The following ZFTA variants were observed in gnomAD, a reference collection of about 807,000 sequenced individuals.
ZFTA encodes the protein zinc finger translocation associated.
In ZFTA, 35 loss-of-function variants were observed where a neutral mutation model predicts 41.8. That is an observed-to-expected ratio of 0.84 (90% confidence interval 0.64 to 1.11). ZFTA has a LOEUF of 1.11. Ranked by LOEUF, ZFTA falls within the 50% of genes most tolerant of loss-of-function variation. ZFTA has a pLI of 0.00. For synonymous variants in ZFTA, 514 were observed against 436.4 expected (o/e 1.18, Z -2.22); for missense variants, 964 against 989.8 (o/e 0.97, Z 0.35).
rs1424806163 is a variant in ZFTA at position 63,765,748 on chromosome 11, CCA to C, written c.637+57_637+58del. On this transcript the variant is annotated intron_variant, in intron 2 of 4. Transcript: ENST00000433688. The surrounding 1 kb of genome is among the most constrained non-coding windows in gnomAD (Gnocchi z 4.0). ...CCAGCTCCTTGGCAGAGCAGCTGGCCCACTGTGCCCCACTGGCCACCCAGGCC... is the reference window on the plus strand; with the variant it reads ...CCAGCTCCTTGGCAGAGCAGCTGGCCCTGTGCCCCACTGGCCACCCAGGCC... The C allele has an allele frequency of 2.8e-6, 4 of 1,429,890 alleles. No individual in the cohort carries two copies. The highest frequency in any genetic ancestry group is 1.8e-6 in the Non-Finnish European group (2 of 1,094,592). 88.6% of individuals were successfully genotyped at this position (1,429,890 alleles called of 1,614,324 possible).
rs1341199576 is a variant in ZFTA, at chr11:63,764,360, G to T, written c.1263C>A (p.Arg421=). 1 of 1,325,676 alleles carries T rather than the reference G, an allele frequency of 7.5e-7. No homozygotes were observed. Among genetic ancestry groups the T allele is most frequent in the Non-Finnish European group, 9.6e-7 (1 of 1,042,200 alleles). 82.1% of individuals were successfully genotyped at this position (1,325,676 alleles called of 1,614,324 possible). Residue 421 remains arginine, a synonymous_variant, in exon 4 of 5, where the codon CGC becomes CGA. Transcript: ENST00000433688. Reference sequence around the variant, plus strand: ...ACTCCATGAGGTACTCCAGCCGCCAGCGCTCCTGGGGGTGGCGGCGGTGGG... The same window carrying T: ...ACTCCATGAGGTACTCCAGCCGCCATCGCTCCTGGGGGTGGCGGCGGTGGG... ...GRAHRRHPQE[R]WRLEYLMELD...
Position 63,765,705 on chromosome 11 carries a change from G to C in ZFTA, c.637+102C>G. ...ACAGACCCCACCCAGAGGAGGAGCAGTGCCTTGCTCAAGAACACCAGCTCC... is the reference window on the plus strand; with the variant it reads ...ACAGACCCCACCCAGAGGAGGAGCACTGCCTTGCTCAAGAACACCAGCTCC... On this transcript the variant is annotated intron_variant, in intron 2 of 4. Coordinates refer to ENST00000433688, the MANE Select transcript of ZFTA (RefSeq NM_001144936.2). The surrounding 1 kb of genome is among the most constrained non-coding windows in gnomAD (Gnocchi z 4.0). The C allele has an allele frequency of 7.2e-7, 1 of 1,395,228 alleles. No individual in the cohort carries two copies. The highest frequency in any genetic ancestry group is 2.6e-5 in the East Asian group (1 of 38,568). The allele number at this position is 1,395,228 out of a possible 1,614,324, so 86.4% of individuals were successfully genotyped here.
chr11:63,765,701 A>G lies in ZFTA; in HGVS notation c.637+106T>C, dbSNP rs2014733251. 4 of 1,388,008 alleles carry G rather than the reference A, an allele frequency of 2.9e-6. No individual in the cohort carries two copies. Among genetic ancestry groups the G allele is most frequent in the Non-Finnish European group, 3.8e-6 (4 of 1,063,802 alleles). 86.0% of individuals were successfully genotyped at this position (1,388,008 alleles called of 1,614,324 possible). The stretch of plus-strand genomic sequence containing the variant: ...ATAAACAGACCCCACCCAGAGGAGG[A>G]GCAGTGCCTTGCTCAAGAACACCAG... On this transcript the variant is annotated intron_variant, in intron 2 of 4. Transcript: ENST00000433688. The surrounding 1 kb of genome is among the most constrained non-coding windows in gnomAD (Gnocchi z 4.0).
intron 1 of ZFTA, 150 bp from the exon 2 acceptor site, chr11:63,766,454 G>GCAAT: frequency 7.2e-6 from 8 of 1,113,626 alleles, no homozygotes; most frequent in Non-Finnish European, 9.6e-6. Flanking sequence ...AGGGATGGTA[G>GCAAT]AAGTGGGAGC....
Position 63,764,024 on chromosome 11 carries a change from GC to G in ZFTA, c.1585+13del. 1 of 1,315,248 alleles carries G rather than the reference GC, an allele frequency of 7.6e-7. No homozygotes were observed. 81.5% of individuals were successfully genotyped at this position (1,315,248 alleles called of 1,614,324 possible). A position where few individuals can be genotyped will look rare whatever the true frequency, so the allele number is the denominator to read the frequency against. On this transcript the variant is annotated intron_variant, in intron 4 of 4. Coordinates refer to ENST00000433688, the MANE Select transcript of ZFTA (RefSeq NM_001144936.2). ...CGGCTCTCCCTCTCCGCCTGCTCTG[GC>G]CCCACCGCTCACCCCACTCCTCCTC...
rs1476128019 is a variant in ZFTA at position 63,762,884 on chromosome 11, G to T, written c.*534C>A. 1 of 152,278 alleles carries T rather than the reference G, an allele frequency of 6.6e-6. No homozygotes were observed. Among genetic ancestry groups the T allele is most frequent in the East Asian group, 1.9e-4 (1 of 5,152 alleles). The allele number at this position is 152,278 out of a possible 1,614,324, so 9.4% of individuals were successfully genotyped here. On this transcript the variant is annotated 3_prime_UTR_variant, in exon 5 of 5. Coordinates refer to ENST00000433688, the MANE Select transcript of ZFTA (RefSeq NM_001144936.2). ...CGCTGGAAGCCCCAGTCCGCAGCCGGGGCCTCCGAGAGGCCGAGAATCCCA... is the reference window on the plus strand; with the variant it reads ...CGCTGGAAGCCCCAGTCCGCAGCCGTGGCCTCCGAGAGGCCGAGAATCCCA...
chr11:63,765,839 G>A lies in ZFTA; in HGVS notation c.605C>T (p.Ala202Val). The change falls in exon 2 of 5, where the codon GCC (alanine) becomes GTC (valine). Residue 202 changes from alanine (A) to valine (V), a missense_variant. Physicochemically the swap from Ala to Val is moderately conservative, Grantham distance 64. Around this residue, in one of 5 missense-constraint regions of ZFTA, gnomAD observed 141 missense variants for 216.7 expected, o/e 0.65. Transcript: ENST00000433688. The surrounding 1 kb of genome is among the most constrained non-coding windows in gnomAD (Gnocchi z 4.0). ...EEEEEEEEEG[A>V]GVPACPPKGP... ...CTTGGGCGGGCAAGCTGGGACACCGGCCCCCTCCTCCTCCTCCTCTTCTTC... is the reference window on the plus strand; with the variant it reads ...CTTGGGCGGGCAAGCTGGGACACCGACCCCCTCCTCCTCCTCCTCTTCTTC... 1.3e-6 allele frequency: 2 copies of A among 1,496,482 alleles called. No individual in the cohort carries two copies. The highest frequency in any genetic ancestry group is 2.5e-5 in the East Asian group (1 of 40,278). 92.7% of individuals were successfully genotyped at this position (1,496,482 alleles called of 1,614,324 possible). A position where few individuals can be genotyped will look rare whatever the true frequency, so the allele number is the denominator to read the frequency against.
At chr11:63,763,916 G>A (rs939045007) in intron 4 of ZFTA, 47 bp from the exon 5 acceptor site, 4 of 1,395,052 alleles carry the variant, frequency 2.9e-6, no homozygotes, top group African/African-American at 1.5e-5. Context: ...GGGGCAGCGG[G>A]CTGGGCCCCG....
rs1289371676 is a variant in ZFTA at position 63,760,192 on chromosome 11, A to G, written c.*3226T>C. The stretch of plus-strand genomic sequence containing the variant: ...TCACACCAGCCTGGGAGATTTTCCC[A>G]CCTGCAACGCAAAGCAGCCTGTAAA... On this transcript the variant is annotated 3_prime_UTR_variant, in exon 5 of 5. Coordinates refer to ENST00000433688, the MANE Select transcript of ZFTA (RefSeq NM_001144936.2). 1 of 152,228 alleles carries G rather than the reference A, an allele frequency of 6.6e-6. No individual in the cohort carries two copies. The highest frequency in any genetic ancestry group is 6.5e-5 in the Admixed American group (1 of 15,280). 9.4% of individuals were successfully genotyped at this position (152,228 alleles called of 1,614,324 possible).
intron 1 of ZFTA, chr11:63,767,517 G>C (rs1292874771): frequency 6.6e-6 from 1 of 152,266 alleles, no homozygotes; most frequent in Non-Finnish European, 1.5e-5. Flanking sequence ...TAGCTGGCTG[G>C]TCTCTAAGCA....
rs1442832731 is a variant in ZFTA at position 63,763,008 on chromosome 11, G to C, written c.*410C>G. The C allele has an allele frequency of 1.3e-5, 2 of 150,720 alleles. No homozygotes were observed. The highest frequency in any genetic ancestry group is 2.1e-4 in the South Asian group (1 of 4,836). The allele number at this position is 150,720 out of a possible 1,614,324, so 9.3% of individuals were successfully genotyped here. On this transcript the variant is annotated 3_prime_UTR_variant, in exon 5 of 5. Transcript: ENST00000433688. Reference sequence around the variant, plus strand: ...GCCCCCAGCCAGGGCCAGAGCCAGAGCCCGCACGGCCCCCCTTCGGCCCTA... The same window carrying C: ...GCCCCCAGCCAGGGCCAGAGCCAGACCCCGCACGGCCCCCCTTCGGCCCTA...
chr11:63,768,678 GC>G lies in ZFTA; in HGVS notation c.-57del. 1.2e-6 allele frequency: 1 copy of G among 864,266 alleles called. No homozygotes were observed. The highest frequency in any genetic ancestry group is 1.4e-6 in the Non-Finnish European group (1 of 723,410). 53.5% of individuals were successfully genotyped at this position (864,266 alleles called of 1,614,324 possible). ...GGCGGGGCGCGGGGCCGCGGGGCCGGCGGCAGCCCGCGCGGAGCGCTCGCTG... is the reference window on the plus strand; with the variant it reads ...GGCGGGGCGCGGGGCCGCGGGGCCGGGGCAGCCCGCGCGGAGCGCTCGCTG... On this transcript the variant is annotated 5_prime_UTR_variant, in exon 1 of 5. Transcript: ENST00000433688.
At chr11:63,766,731 C>A (rs1361573006) in intron 1 of ZFTA, among the ~76,000 whole-genome samples, 1 of 152,186 alleles carries the variant, frequency 6.6e-6, no homozygotes, top group Non-Finnish European at 1.5e-5. Context: ...CAGGGCTGCA[C>A]ACGGGACCCA....
intron 1 of ZFTA, among the ~76,000 whole-genome samples, 199 bp from the exon 2 acceptor site, chr11:63,766,503 AGAG>A (rs771405061): frequency 3.3e-5 from 5 of 152,226 alleles, no homozygotes; most frequent in Non-Finnish European, 4.4e-5. Flanking sequence ...GGACCCTTTA[AGAG>A]GAGATCAAGA....
In ZFTA at chr11:63,765,015, G is replaced by A. The variant is rs1350416074; in HGVS notation, c.877C>T (p.Pro293Ser). Residue 293 changes from proline to serine, a missense_variant, in exon 3 of 5, where the codon CCC becomes TCC. By Grantham distance (74) the Pro-to-Ser change is moderately conservative (BLOSUM62 -1). Around this residue, in one of 5 missense-constraint regions of ZFTA, gnomAD observed 584 missense variants for 523.1 expected, o/e 1.12. Transcript: ENST00000433688. The surrounding 1 kb of genome is among the most constrained non-coding windows in gnomAD (Gnocchi z 4.0). ...CGGATGTCGTCCAGGTGCAGGCTGG[G>A]CAGTGCCCGGCCACAGGCCATGCAC... The part of the protein sequence containing the change: ...LVCMACGRAL[P>S]SLHLDDIRAH... 1.0e-5 allele frequency: 16 copies of A among 1,548,922 alleles called. No individual in the cohort carries two copies. Among genetic ancestry groups the A allele is most frequent in the Non-Finnish European group, 1.4e-5 (16 of 1,146,554 alleles).
Position 63,763,018 on chromosome 11 carries a change from C to G in ZFTA, c.*400G>C, listed in dbSNP as rs1417892065. On this transcript the variant is annotated 3_prime_UTR_variant, in exon 5 of 5. Coordinates refer to ENST00000433688, the MANE Select transcript of ZFTA (RefSeq NM_001144936.2). ...AGGGCCAGAGCCAGAGCCCGCACGG[C>G]CCCCCTTCGGCCCTAATACTGACTG... 1 of 151,142 alleles carries G rather than the reference C, an allele frequency of 6.6e-6. No homozygotes were observed. The highest frequency in any genetic ancestry group is 6.6e-5 in the Admixed American group (1 of 15,194). The allele number at this position is 151,142 out of a possible 1,614,324, so 9.4% of individuals were successfully genotyped here.
At position 63,761,659 on chromosome 11, in the gene ZFTA, T is replaced by C. The variant is rs534055069; in HGVS notation, c.*1759A>G. The stretch of plus-strand genomic sequence containing the variant: ...ATCATCTCGGTTCCTGGGCTCCAAT[T>C]TACCTATCTGTGAAGGTGAGGAGGG... On this transcript the variant is annotated 3_prime_UTR_variant, in exon 5 of 5. Transcript: ENST00000433688. 5 of 152,448 alleles carry C rather than the reference T, an allele frequency of 3.3e-5. No homozygotes were observed. In the East Asian group the frequency reaches 9.6e-4, roughly 29 times the overall value. The allele number at this position is 152,448 out of a possible 1,614,324, so 9.4% of individuals were successfully genotyped here.
intron 1 of ZFTA, among the ~76,000 whole-genome samples, chr11:63,767,925 G>GC (rs1176604695): frequency 6.6e-6 from 1 of 152,174 alleles, no homozygotes; most frequent in Non-Finnish European, 1.5e-5. Context: ...GATGGTGTGG[G>GC]CCCCCGGGGC....
chr11:63,768,438 CCCCCA>C (rs2014782625), intron 1 of ZFTA, 41 bp downstream of exon 1: 1 of 1,070,992 alleles, frequency 9.3e-7, no homozygotes, highest in African/African-American at 1.7e-5. Context: ...GCCCTCCCTT[CCCCCA>C]CGCCGGGGCC....
Sources: gnomAD v4.1 joint callset for allele counts (sites outside exome capture counted in the v4.1 genomes callset) on GRCh38, gnomAD v4.1.1 for gene constraint, gnomAD v4.1.1 regional missense constraint, Gnocchi (gnomAD v3.1) non-coding constraint, MANE v1.5 for transcripts, NCBI Gene and HGNC (gene_info 2026-07-23, HGNC 2026-07-21) for gene names.